Variants in EPHB2 observed in about 807,000 individuals in gnomAD.
EPHB2 encodes the protein EPH receptor B2, also known as ephrin type-B receptor 2.
In EPHB2, 18 loss-of-function variants were observed where a neutral mutation model predicts 96.4. The ratio of observed to expected loss-of-function variants is 0.19; its 90% CI spans 0.13 to 0.28. The LOEUF (loss-of-function observed/expected upper bound fraction) is 0.28. Ranked by LOEUF, EPHB2 falls within the 10% of genes least tolerant of loss-of-function variation. EPHB2 has a pLI of 1.00. For synonymous variants in EPHB2, 506 were observed against 534.1 expected (o/e 0.95, Z 0.72); for missense variants, 989 against 1,355.4 (o/e 0.73, Z 4.25).
At chr1:22,900,623 C>T (rs2746332) in intron 9 of EPHB2, among the ~76,000 whole-genome samples, 80,193 of 151,978 alleles carry the variant, frequency 0.53, 21,866 homozygotes, top group African/African-American at 0.65. Flanking sequence ...CCTGGAGCCA[C>T]TGGGGAGCAT....
chr1:22,836,250 G>T (rs113734150), intron 3 of EPHB2, among the ~76,000 whole-genome samples: 2 of 152,194 alleles, frequency 1.3e-5, no homozygotes, highest in African/African-American at 4.8e-5. Flanking sequence ...GCACCAGGGT[G>T]GGGGAGAGCC....
At chr1:22,797,190 T>C (rs1447307938) in intron 3 of EPHB2, among the ~76,000 whole-genome samples, 1 of 152,152 alleles carries the variant, frequency 6.6e-6, no homozygotes, top group Non-Finnish European at 1.5e-5. Context: ...GAAGCCCCCT[T>C]GCTGCTGACT....
At chr1:22,880,233 A>G (rs1638991071) in intron 5 of EPHB2, among the ~76,000 whole-genome samples, 1 of 152,074 alleles carries the variant, frequency 6.6e-6, no homozygotes, top group South Asian at 2.1e-4. Flanking sequence ...ACAGACACAG[A>G]GCAGGAAATG....
intron 1 of EPHB2, among the ~76,000 whole-genome samples, chr1:22,727,753 C>G (rs1643613142): frequency 6.8e-6 from 1 of 147,306 alleles, no homozygotes; most frequent in African/African-American, 2.5e-5. Context: ...CTTTTTTCCT[C>G]TCCTGTCTTT....
At position 22,919,188 on chromosome 1, in the gene EPHB2, C is replaced by G. The variant is rs954846964; in HGVS notation, c.*5618C>G. ...GACTCTTCCCCCATAACAAACTGCC[C>G]TGATGTCTGCAGAGAGAGGGTCTGC... On this transcript the variant is annotated 3_prime_UTR_variant, in exon 16 of 16. Transcript: ENST00000374630. 1 of 152,230 alleles carries G rather than the reference C, an allele frequency of 6.6e-6. No homozygotes were observed. The highest frequency in any genetic ancestry group is 2.4e-5 in the African/African-American group (1 of 41,444). 9.4% of individuals were successfully genotyped at this position (152,230 alleles called of 1,614,324 possible). A position where few individuals can be genotyped will look rare whatever the true frequency, so the allele number is the denominator to read the frequency against.
chr1:22,786,874 G>A (rs1644619291), intron 3 of EPHB2, among the ~76,000 whole-genome samples: 1 of 152,224 alleles, frequency 6.6e-6, no homozygotes, highest in African/African-American at 2.4e-5. Context: ...AGGAGAAAGG[G>A]CTGGTTTCTT....
At chr1:22,760,956 C>A (rs1193141127) in intron 1 of EPHB2, among the ~76,000 whole-genome samples, 1 of 152,116 alleles carries the variant, frequency 6.6e-6, no homozygotes, top group Non-Finnish European at 1.5e-5. Flanking sequence ...TGCATGTGAC[C>A]AAGGCCACAC....
intron 3 of EPHB2, among the ~76,000 whole-genome samples, chr1:22,837,997 C>T (rs1010348749): frequency 3.3e-5 from 5 of 152,204 alleles, no homozygotes; most frequent in African/African-American, 1.2e-4. Context: ...TATTTCATCC[C>T]TTTATGTCTC....
In EPHB2 at chr1:22,731,166, T is replaced by C. The variant is rs78551266; in HGVS notation, c.61+20123T>C. Among the ~76,000 whole-genome samples, 62 of 152,324 alleles carry C rather than the reference T, an allele frequency of 4.1e-4. No individual in the cohort carries two copies. The East Asian group carries it at 0.012, about 29-fold the overall frequency. On this transcript the variant is annotated intron_variant, in intron 1 of 15. Coordinates refer to ENST00000374630, the MANE Select transcript of EPHB2 (RefSeq NM_017449.5). ...CTTTCTTTCTAATGTAAATTGATAA[T>C]GTATTGACAATGCGATCTCCTGGCA...
At chr1:22,764,307 G>T (rs749218850) in intron 1 of EPHB2, among the ~76,000 whole-genome samples, 55 of 152,302 alleles carry the variant, frequency 3.6e-4, no homozygotes, top group Middle Eastern at 3.4e-3. Flanking sequence ...ACTTACTATA[G>T]CCAGGCTCTG....
At chr1:22,829,649 C>A (rs1476164541) in intron 3 of EPHB2, among the ~76,000 whole-genome samples, 2 of 152,178 alleles carry the variant, frequency 1.3e-5, no homozygotes, top group Admixed American at 1.3e-4. Context: ...ATCAAGACAG[C>A]CCCCTGCTCT....
chr1:22,914,007 G>T lies in EPHB2; in HGVS notation c.*437G>T. The T allele has an allele frequency of 1.7e-6, 2 of 1,194,692 alleles. No individual in the cohort carries two copies. The highest frequency in any genetic ancestry group is 1.5e-5 in the African/African-American group (1 of 64,686). The allele number at this position is 1,194,692 out of a possible 1,614,324, so 74.0% of individuals were successfully genotyped here. A position where few individuals can be genotyped will look rare whatever the true frequency, so the allele number is the denominator to read the frequency against. The stretch of plus-strand genomic sequence containing the variant: ...ACAAATGTGAAGGGGAGAGACAGGG[G>T]CCGCCCTTGGCTCCTGTCCCTGCTG... On this transcript the variant is annotated 3_prime_UTR_variant, in exon 16 of 16. Coordinates refer to ENST00000374630, the MANE Select transcript of EPHB2 (RefSeq NM_017449.5).
chr1:22,912,729 GA>G, intron 15 of EPHB2, 130 bp downstream of exon 15: 1 of 1,409,390 alleles, frequency 7.1e-7, no homozygotes, highest in Non-Finnish European at 9.8e-7. Context: ...CAAGGGGCAA[GA>G]TGGCCAACTT....
chr1:22,746,644 C>T (rs568718263), intron 1 of EPHB2, among the ~76,000 whole-genome samples: 3 of 152,212 alleles, frequency 2.0e-5, no homozygotes, highest in African/African-American at 4.8e-5. Flanking sequence ...TACTGTGGAC[C>T]GTGGACCATG....
At chr1:22,836,479 G>T (rs960735244) in intron 3 of EPHB2, among the ~76,000 whole-genome samples, 1 of 152,222 alleles carries the variant, frequency 6.6e-6, no homozygotes, top group East Asian at 1.9e-4. Context: ...AATGTTGTGC[G>T]TTGGACATTT....
At chr1:22,773,377 A>G (rs770729596) in intron 1 of EPHB2, among the ~76,000 whole-genome samples, 5 of 152,076 alleles carry the variant, frequency 3.3e-5, no homozygotes, top group Non-Finnish European at 5.9e-5. Flanking sequence ...AGCCAGGCCT[A>G]GCTTCAGGCC....
intron 5 of EPHB2, among the ~76,000 whole-genome samples, chr1:22,866,632 T>C (rs1403006521): frequency 6.6e-6 from 1 of 151,840 alleles, no homozygotes; most frequent in African/African-American, 2.4e-5. Context: ...GCCAAGGACA[T>C]TGAAAGAGAG....
intron 1 of EPHB2, among the ~76,000 whole-genome samples, chr1:22,741,233 G>A (rs1643898429): frequency 1.3e-5 from 2 of 152,184 alleles, no homozygotes; most frequent in Admixed American, 6.5e-5. Flanking sequence ...GCAGCCCTGG[G>A]AGACATCTCC....
At chr1:22,842,640 G>T (rs961184067) in intron 3 of EPHB2, among the ~76,000 whole-genome samples, 4 of 152,168 alleles carry the variant, frequency 2.6e-5, no homozygotes, top group African/African-American at 7.2e-5. Flanking sequence ...CCTTTCTGTG[G>T]CCATGGGGCC....
Sources: allele counts gnomAD v4.1 joint callset (sites outside exome capture counted in the v4.1 genomes callset), GRCh38; gene constraint gnomAD v4.1.1; transcripts MANE v1.5; gene names NCBI Gene and HGNC (gene_info 2026-07-23, HGNC 2026-07-21).